TBXAS1: variants seen among roughly 807,000 people sequenced by gnomAD.
TBXAS1 encodes thromboxane-A synthase.
A neutral mutation model predicts 60.7 loss-of-function variants in TBXAS1; 48 were observed. The ratio of observed to expected loss-of-function variants is 0.79; its 90% CI spans 0.63 to 1.01. The LOEUF (loss-of-function observed/expected upper bound fraction) is 1.01, where lower values mean the gene tolerates loss of function less well. TBXAS1 is among the 50% of genes least tolerant of loss of function. TBXAS1 has a pLI of 0.00. For synonymous variants in TBXAS1, 287 were observed against 269.7 expected, an observed-to-expected ratio of 1.06 and a Z score of -0.63; for missense variants, 685 against 686.3, an observed-to-expected ratio of 1.00 and a Z score of 0.02.
chr7:139,884,214 G>A (rs1442355047), intron 3 of TBXAS1, among the ~76,000 whole-genome samples: 6 of 152,230 alleles, frequency 3.9e-5, no homozygotes, highest in Non-Finnish European at 1.5e-5. Flanking sequence ...ACCTGACTGT[G>A]GGCCCAGGCT....
intron 1 of TBXAS1, among the ~76,000 whole-genome samples, chr7:139,865,644 GGAGGAAGAGGAGGAGGAGGAA>G (rs1801308977): frequency 6.4e-5 from 8 of 125,558 alleles, no homozygotes; most frequent in African/African-American, 2.4e-4. Flanking sequence ...AAGAGGAGGA[GGAGGAAGAGGAGGAGGAGGAA>G]GAGGAGGAGG....
At chr7:139,882,793 A>G (rs1802794628) in intron 3 of TBXAS1, among the ~76,000 whole-genome samples, 1 of 152,184 alleles carries the variant, frequency 6.6e-6, no homozygotes, top group African/African-American at 2.4e-5. Flanking sequence ...AAAGCTGTGC[A>G]TTGCCGTTCC....
At chr7:139,939,862 T>G (rs1433886803) in intron 5 of TBXAS1, among the ~76,000 whole-genome samples, 1 of 152,152 alleles carries the variant, frequency 6.6e-6, no homozygotes, top group African/African-American at 2.4e-5. Context: ...GCCAGAGGTG[T>G]TAAATGCTGC....
At chr7:139,815,023 C>T (rs921476209) in intron 4 of TBXAS1, among the ~76,000 whole-genome samples, 1 of 152,202 alleles carries the variant, frequency 6.6e-6, no homozygotes, top group African/African-American at 2.4e-5. Flanking sequence ...GCTCCTCCAA[C>T]CCCAGCTGTG....
chr7:139,898,596 C>A (rs1289328469), intron 3 of TBXAS1, among the ~76,000 whole-genome samples: 2 of 152,020 alleles, frequency 1.3e-5, no homozygotes, highest in Non-Finnish European at 2.9e-5. Flanking sequence ...CAGGCGTGAG[C>A]CACTACGCCC....
chr7:139,909,883 G>A (rs532142407), intron 3 of TBXAS1, among the ~76,000 whole-genome samples: 2 of 152,174 alleles, frequency 1.3e-5, no homozygotes, highest in Non-Finnish European at 2.9e-5. Context: ...CATCACTCTG[G>A]CTTGCTTTGC....
intron 1 of TBXAS1, among the ~76,000 whole-genome samples, chr7:139,859,243 C>T (rs1250665653): frequency 1.4e-5 from 2 of 145,082 alleles, no homozygotes; most frequent in Non-Finnish European, 3.0e-5. Context: ...ACTCTGTCAC[C>T]CCAGGCTGGC....
At chr7:139,855,385 C>T (rs186932391) in intron 1 of TBXAS1, among the ~76,000 whole-genome samples, 2 of 152,020 alleles carry the variant, frequency 1.3e-5, no homozygotes, top group African/African-American at 2.4e-5. Flanking sequence ...CTTGGCCCCA[C>T]GGTCTTGAGT....
intron 1 of TBXAS1, among the ~76,000 whole-genome samples, chr7:139,867,636 C>G (rs569980569): frequency 6.6e-6 from 1 of 152,032 alleles, no homozygotes; most frequent in East Asian, 1.9e-4. Flanking sequence ...GCCTGGCCAA[C>G]AGGGTGAAAC....
intron 9 of TBXAS1, among the ~76,000 whole-genome samples, chr7:140,005,204 G>A (rs1354960783): frequency 2.0e-5 from 3 of 152,300 alleles, no homozygotes; most frequent in African/African-American, 2.4e-5. Flanking sequence ...CGAGGCAGGC[G>A]GATCACTTGA....
chr7:139,836,543 A>C (rs773662041), intron 1 of TBXAS1, among the ~76,000 whole-genome samples: 2 of 152,210 alleles, frequency 1.3e-5, no homozygotes, highest in Non-Finnish European at 2.9e-5. Flanking sequence ...TCAACAAAGC[A>C]AACAAAAACA....
chr7:139,950,162 A>G (rs1280748949), intron 5 of TBXAS1, among the ~76,000 whole-genome samples: 1 of 150,266 alleles, frequency 6.7e-6, no homozygotes, highest in Non-Finnish European at 1.5e-5. Context: ...GCCTCCGAGT[A>G]GCTGGGATTA....
intron 4 of TBXAS1, among the ~76,000 whole-genome samples, chr7:139,933,422 C>T (rs1237215536): frequency 6.6e-6 from 1 of 152,168 alleles, no homozygotes; most frequent in East Asian, 1.9e-4. Context: ...CACAGGACTG[C>T]ATCTTGCCAC....
chr7:139,860,032 G>A (rs531282239), intron 1 of TBXAS1, among the ~76,000 whole-genome samples: 5 of 152,268 alleles, frequency 3.3e-5, no homozygotes, highest in South Asian at 2.1e-4. Flanking sequence ...CTAGCTATCC[G>A]GGAGGCTGAG....
chr7:139,964,708 C>T (rs189381489), intron 9 of TBXAS1, among the ~76,000 whole-genome samples: 61 of 152,292 alleles, frequency 4.0e-4, no homozygotes, highest in African/African-American at 1.2e-3. Flanking sequence ...CCTCATCTTG[C>T]GGGAATTCCA....
intron 4 of TBXAS1, among the ~76,000 whole-genome samples, chr7:139,820,530 A>G (rs1798269552): frequency 6.6e-6 from 1 of 152,224 alleles, no homozygotes; most frequent in Non-Finnish European, 1.5e-5. Context: ...ATGTTGGGCT[A>G]TCATCGGAGG....
chr7:139,953,464 T>A lies in TBXAS1; in HGVS notation c.539+8T>A. 1 of 1,613,062 alleles carries A rather than the reference T, an allele frequency of 6.2e-7. No individual in the cohort carries two copies. Among genetic ancestry groups the A allele is most frequent in the African/African-American group, 1.3e-5 (1 of 75,052 alleles). ...CGCATTTGACATCCAGAGGTAAGGC[T>A]GCTGCATTACAGATGAGAAATCGAG... On this transcript the variant is annotated splice_region_variant and intron_variant, in intron 6 of 12. Coordinates refer to ENST00000448866, the MANE Select transcript of TBXAS1 (RefSeq NM_001061.7).
chr7:139,991,223 G>A (rs1812875269), intron 9 of TBXAS1, among the ~76,000 whole-genome samples: 1 of 152,164 alleles, frequency 6.6e-6, no homozygotes, highest in South Asian at 2.1e-4. Flanking sequence ...GAACACAAAT[G>A]CTTTTTGAAA....
chr7:139,930,439 C>A (rs1584879567), intron 4 of TBXAS1, among the ~76,000 whole-genome samples: 1 of 152,092 alleles, frequency 6.6e-6, no homozygotes, highest in East Asian at 1.9e-4. Context: ...CGTTATTATC[C>A]CCATTTTACA....
Sources: allele counts gnomAD v4.1 joint callset (sites outside exome capture counted in the v4.1 genomes callset), GRCh38; gene constraint gnomAD v4.1.1; transcripts MANE v1.5; gene names NCBI Gene and HGNC (gene_info 2026-07-23, HGNC 2026-07-21).